MYRIP: variants seen among roughly 807,000 people sequenced by gnomAD.
MYRIP encodes the protein rab effector MyRIP.
A neutral mutation model predicts 98.0 loss-of-function variants in MYRIP; 49 were observed. The observed-to-expected ratio is 0.50, with a 90% CI of 0.40 to 0.63. The LOEUF is 0.63. Ranked by LOEUF, MYRIP falls within the 30% of genes least tolerant of loss-of-function variation. The pLI, the probability that MYRIP is intolerant of heterozygous loss-of-function variation, is 0.00. For synonymous variants in MYRIP, 404 were observed against 409.5 expected (o/e 0.99, Z 0.16); for missense variants, 1,004 against 1,058.2 (o/e 0.95, Z 0.71).
chr3:39,840,916 G>A (rs1287674746), intron 1 of MYRIP, among the ~76,000 whole-genome samples: 2 of 152,048 alleles, frequency 1.3e-5, no homozygotes, highest in Non-Finnish European at 2.9e-5. Context: ...TTTCAACCTT[G>A]GAGAATCTGA....
chr3:40,057,767 TC>T (rs1387120875), intron 3 of MYRIP, among the ~76,000 whole-genome samples: 12 of 152,238 alleles, frequency 7.9e-5, no homozygotes, highest in African/African-American at 2.7e-4. Flanking sequence ...GGCTTTGCTT[TC>T]TTTTGGGGTT....
chr3:39,926,804 C>T (rs1167832780), intron 2 of MYRIP, among the ~76,000 whole-genome samples: 1 of 151,978 alleles, frequency 6.6e-6, no homozygotes, highest in Non-Finnish European at 1.5e-5. Context: ...AATGCTTTGG[C>T]TATTTGGGCT....
chr3:39,886,654 A>G (rs1035286851), intron 1 of MYRIP, among the ~76,000 whole-genome samples: 2 of 152,064 alleles, frequency 1.3e-5, no homozygotes, highest in African/African-American at 2.4e-5. Context: ...CTAAATATAT[A>G]TGCACCCAAT....
chr3:40,198,482 T>C (rs1951461768), intron 10 of MYRIP, among the ~76,000 whole-genome samples: 1 of 152,230 alleles, frequency 6.6e-6, no homozygotes, highest in African/African-American at 2.4e-5. Context: ...AAAAAAAATT[T>C]CGCCATTCAT....
chr3:40,171,625 G>A (rs950678284), intron 8 of MYRIP, among the ~76,000 whole-genome samples: 15 of 152,196 alleles, frequency 9.9e-5, no homozygotes, highest in African/African-American at 3.6e-4. Flanking sequence ...TGCCACTCCT[G>A]GGGTAGGATT....
At chr3:39,834,298 G>C (rs1346457465) in intron 1 of MYRIP, among the ~76,000 whole-genome samples, 1 of 152,094 alleles carries the variant, frequency 6.6e-6, no homozygotes, top group Non-Finnish European at 1.5e-5. Flanking sequence ...TCAAAAATAG[G>C]CTATTTGTAT....
chr3:40,079,171 G>C (rs1053285365), intron 3 of MYRIP, among the ~76,000 whole-genome samples: 1 of 152,210 alleles, frequency 6.6e-6, no homozygotes, highest in South Asian at 2.1e-4. Context: ...GAAGTTGACT[G>C]TTCGAAGATC....
At chr3:40,115,619 T>G (rs1418798165) in intron 3 of MYRIP, among the ~76,000 whole-genome samples, 1 of 152,154 alleles carries the variant, frequency 6.6e-6, no homozygotes, top group Non-Finnish European at 1.5e-5. Flanking sequence ...CCAAACCACA[T>G]CACTAAGGAT....
chr3:40,217,141 G>A (rs1227699141), intron 11 of MYRIP, among the ~76,000 whole-genome samples: 2 of 152,150 alleles, frequency 1.3e-5, no homozygotes, highest in African/African-American at 4.8e-5. Flanking sequence ...AAAGAAGCTA[G>A]TCTCAGGTAT....
chr3:39,975,304 C>T (rs960065431), intron 2 of MYRIP, among the ~76,000 whole-genome samples: 1 of 152,054 alleles, frequency 6.6e-6, no homozygotes, highest in African/African-American at 2.4e-5. Flanking sequence ...ACAATTGCTT[C>T]AAAGAGAATA....
intron 3 of MYRIP, among the ~76,000 whole-genome samples, chr3:40,128,000 A>G (rs1949556236): frequency 6.6e-6 from 1 of 152,232 alleles, no homozygotes; most frequent in Admixed American, 6.5e-5. Context: ...TGTCTATATT[A>G]GAGTCCCTCT....
chr3:39,937,531 C>T (rs1461560531), intron 2 of MYRIP, among the ~76,000 whole-genome samples: 2 of 152,170 alleles, frequency 1.3e-5, no homozygotes, highest in Admixed American at 1.3e-4. Flanking sequence ...GGCCTGTCAT[C>T]CATCAGAGGA....
chr3:40,062,502 A>T (rs1402709918), intron 3 of MYRIP, among the ~76,000 whole-genome samples: 1 of 152,222 alleles, frequency 6.6e-6, no homozygotes. Context: ...ATTGTATCAA[A>T]TATATTTCAT....
chr3:39,984,417 C>T (rs551318836), intron 2 of MYRIP, among the ~76,000 whole-genome samples: 1 of 152,104 alleles, frequency 6.6e-6, no homozygotes, highest in African/African-American at 2.4e-5. Flanking sequence ...TGATGTTCCC[C>T]TTCCTGTGTC....
intron 3 of MYRIP, among the ~76,000 whole-genome samples, chr3:40,077,170 G>A (rs929287217): frequency 2.0e-5 from 3 of 152,072 alleles, no homozygotes; most frequent in Non-Finnish European, 4.4e-5. Flanking sequence ...GCAGACCTTC[G>A]CGGTGAGTGT....
At chr3:40,114,995 T>C (rs1451759342) in intron 3 of MYRIP, among the ~76,000 whole-genome samples, 1 of 152,140 alleles carries the variant, frequency 6.6e-6, no homozygotes, top group Non-Finnish European at 1.5e-5. Flanking sequence ...TTTAGTAGCA[T>C]GAATAAACTG....
intron 3 of MYRIP, among the ~76,000 whole-genome samples, chr3:40,053,927 G>A (rs1164419487): frequency 2.0e-5 from 3 of 152,172 alleles, no homozygotes; most frequent in Non-Finnish European, 1.5e-5. Context: ...GAACAGACCT[G>A]AACAGGGGAG....
At chr3:40,042,843 C>A (rs374794366) in intron 2 of MYRIP, among the ~76,000 whole-genome samples, 1 of 152,122 alleles carries the variant, frequency 6.6e-6, no homozygotes, top group East Asian at 1.9e-4. Context: ...TAAACCTAAC[C>A]TACTGAACAT....
chr3:40,061,256 C>T (rs575112049), intron 3 of MYRIP, among the ~76,000 whole-genome samples: 1 of 152,126 alleles, frequency 6.6e-6, no homozygotes, highest in Non-Finnish European at 1.5e-5. Flanking sequence ...TCCAGTAGAC[C>T]CCAGTGTCTG....
Sources: allele counts gnomAD v4.1 joint callset (sites outside exome capture counted in the v4.1 genomes callset), GRCh38; gene constraint gnomAD v4.1.1; transcripts MANE v1.5; gene names NCBI Gene and HGNC (gene_info 2026-07-23, HGNC 2026-07-21).